Variants in EXOC4 observed in about 807,000 individuals in gnomAD.
EXOC4 encodes the protein exocyst complex component 4.
EXOC4 carries 71 observed loss-of-function variants against 107.2 expected under a neutral mutation model. The observed-to-expected ratio is 0.66, with a 90% CI of 0.55 to 0.81. The LOEUF (loss-of-function observed/expected upper bound fraction) is 0.81, where lower values mean the gene tolerates loss of function less well. Ranked by LOEUF, EXOC4 falls within the 30% of genes least tolerant of loss-of-function variation. The probability of loss-of-function intolerance (pLI) is 0.00; values close to 1 mark genes in which losing one functional copy is unlikely to be tolerated. For synonymous variants in EXOC4, 456 were observed against 441.2 expected (o/e 1.03, Z -0.42); for missense variants, 1,108 against 1,189.6 (o/e 0.93, Z 1.01).
chr7:133,913,959 G>A (rs1244456427), intron 12 of EXOC4, among the ~76,000 whole-genome samples: 2 of 152,212 alleles, frequency 1.3e-5, no homozygotes, highest in Non-Finnish European at 2.9e-5. Flanking sequence ...GATGCGGAAA[G>A]CAAAAGAATA....
chr7:133,344,705 G>GA (rs1795745934), intron 5 of EXOC4, among the ~76,000 whole-genome samples: 1 of 152,118 alleles, frequency 6.6e-6, no homozygotes, highest in African/African-American at 2.4e-5. Flanking sequence ...CATCCCTATA[G>GA]TCAGCTCTGT....
chr7:133,965,880 A>G (rs1330778416), intron 14 of EXOC4, among the ~76,000 whole-genome samples: 1 of 152,202 alleles, frequency 6.6e-6, no homozygotes, highest in Non-Finnish European at 1.5e-5. Flanking sequence ...TGGTATTTTG[A>G]TGAGGATAGC....
At chr7:133,629,622 C>A (rs1381572943) in intron 9 of EXOC4, among the ~76,000 whole-genome samples, 1 of 152,058 alleles carries the variant, frequency 6.6e-6, no homozygotes, top group Non-Finnish European at 1.5e-5. Flanking sequence ...TTCACTGCAG[C>A]CTGCACCTCC....
intron 10 of EXOC4, among the ~76,000 whole-genome samples, chr7:133,734,175 C>T (rs895041433): frequency 6.6e-6 from 1 of 152,182 alleles, no homozygotes; most frequent in Non-Finnish European, 1.5e-5. Context: ...CACAGGAGAG[C>T]TTCATTGTAT....
intron 13 of EXOC4, among the ~76,000 whole-genome samples, chr7:133,922,295 T>C (rs1280371202): frequency 6.6e-6 from 1 of 152,218 alleles, no homozygotes; most frequent in Non-Finnish European, 1.5e-5. Flanking sequence ...AAGTGCCTTC[T>C]CGTCCTCCTT....
intron 13 of EXOC4, among the ~76,000 whole-genome samples, chr7:133,922,176 A>C (rs1799951353): frequency 6.6e-6 from 1 of 152,314 alleles, no homozygotes; most frequent in African/African-American, 2.4e-5. Context: ...TAAATATATG[A>C]GAATGTGCAC....
intron 9 of EXOC4, among the ~76,000 whole-genome samples, chr7:133,615,335 C>G (rs2151000810): frequency 6.6e-6 from 1 of 152,118 alleles, no homozygotes; most frequent in South Asian, 2.1e-4. Context: ...TAACGATTGA[C>G]TTTTAGTGAA....
chr7:133,838,959 A>G (rs1432691911), intron 11 of EXOC4, among the ~76,000 whole-genome samples: 1 of 152,146 alleles, frequency 6.6e-6, no homozygotes, highest in East Asian at 1.9e-4. Context: ...ATTTGTTGTT[A>G]TTTTTAATGT....
chr7:133,466,547 AT>A (rs1191914049), intron 7 of EXOC4, among the ~76,000 whole-genome samples: 1 of 152,216 alleles, frequency 6.6e-6, no homozygotes, highest in Non-Finnish European at 1.5e-5. Context: ...TAACAAATAA[AT>A]TAGTAATTAA....
At chr7:134,076,705 G>GTATATATATA in the EXOC4 span, among the ~76,000 whole-genome samples, 1 of 147,108 alleles carries the variant, frequency 6.8e-6, no homozygotes, top group Non-Finnish European at 1.5e-5. Flanking sequence ...ATCTATAATT[G>GTATATATATA]TATATATATA....
intron 3 of EXOC4, among the ~76,000 whole-genome samples, chr7:133,303,632 AAC>A (rs996490124): frequency 3.9e-5 from 6 of 152,150 alleles, no homozygotes; most frequent in African/African-American, 1.2e-4. Context: ...CAGAAAATAA[AAC>A]ACAGTGTTTT....
At chr7:133,797,881 G>T (rs1483892641) in intron 10 of EXOC4, among the ~76,000 whole-genome samples, 1 of 152,206 alleles carries the variant, frequency 6.6e-6, no homozygotes, top group Non-Finnish European at 1.5e-5. Context: ...CCCTCGTGGG[G>T]CCTGCTTTCC....
intron 10 of EXOC4, among the ~76,000 whole-genome samples, chr7:133,748,061 G>T (rs4731978): frequency 0.99 from 150,125 of 152,226 alleles, 74,076 homozygotes; most frequent in Middle Eastern, 1. Context: ...TCTCTTCCCG[G>T]GGGCATATAC....
At chr7:133,424,813 A>G (rs977730716) in intron 7 of EXOC4, among the ~76,000 whole-genome samples, 3 of 152,206 alleles carry the variant, frequency 2.0e-5, no homozygotes, top group African/African-American at 4.8e-5. Flanking sequence ...AGCTAAACTT[A>G]AGAGAGAGGG....
chr7:133,664,361 T>TTGAA (rs1793764047), intron 10 of EXOC4, among the ~76,000 whole-genome samples: 1 of 152,136 alleles, frequency 6.6e-6, no homozygotes, highest in Non-Finnish European at 1.5e-5. Context: ...TTAATGTTTG[T>TTGAA]TGAATGAATG....
intron 7 of EXOC4, among the ~76,000 whole-genome samples, chr7:133,400,780 C>T (rs1274113019): frequency 4.6e-5 from 7 of 152,050 alleles, no homozygotes; most frequent in East Asian, 1.9e-4. Flanking sequence ...TTTTGTGTTA[C>T]GTGGTAGGTT....
rs76542385 is a variant in EXOC4 at position 133,529,431 on chromosome 7, G to A, written c.1417+49293G>A. Among the ~76,000 whole-genome samples the A allele has an allele frequency of 7.2e-5, 11 of 152,258 alleles. No homozygotes were observed. In the East Asian group the frequency reaches 2.1e-3, roughly 29 times the overall value. ...TTTAAGTTTCTCATACTTATCAGGC[G>A]AGGGAACTTATATTTGAGTTTTTAT... is the stretch of plus-strand genomic sequence containing the variant. On this transcript the variant is annotated intron_variant, in intron 9 of 17. Coordinates refer to ENST00000253861, the MANE Select transcript of EXOC4 (RefSeq NM_021807.4).
intron 4 of EXOC4, among the ~76,000 whole-genome samples, chr7:133,313,374 C>T (rs1045641817): frequency 4.6e-5 from 7 of 152,092 alleles, no homozygotes; most frequent in South Asian, 4.1e-4. Flanking sequence ...ACTAAGGGCA[C>T]GTTATCTTTG....
At chr7:134,077,308 T>C in the EXOC4 span, among the ~76,000 whole-genome samples, 2 of 152,206 alleles carry the variant, frequency 1.3e-5, no homozygotes, top group Non-Finnish European at 2.9e-5. Flanking sequence ...TCCACCTTTT[T>C]ATTCTATCAG....
Sources: allele counts gnomAD v4.1 joint callset (sites outside exome capture counted in the v4.1 genomes callset), GRCh38; gene constraint gnomAD v4.1.1; transcripts MANE v1.5; gene names NCBI Gene and HGNC (gene_info 2026-07-23, HGNC 2026-07-21).